The following HNRNPF variants were observed in gnomAD, a reference collection of about 807,000 sequenced individuals.
The protein encoded by HNRNPF is heterogeneous nuclear ribonucleoprotein F, also known as HnRNP F protein.
A neutral mutation model predicts 26.0 loss-of-function variants in HNRNPF; 2 were observed. The observed-to-expected ratio is 0.08, with a 90% CI of 0.03 to 0.24. The LOEUF is 0.24. HNRNPF is among the 10% of genes least tolerant of loss of function. The pLI is 1.00. For missense variants in HNRNPF, 299 were observed against 539.2 expected (o/e 0.55, Z 4.41); for synonymous variants, 234 against 211.5 (o/e 1.11, Z -0.92).
chr10:43,403,561 C>A (rs1032708559), intron 1 of HNRNPF, among the ~76,000 whole-genome samples: 2 of 152,138 alleles, frequency 1.3e-5, no homozygotes, highest in African/African-American at 2.4e-5. Flanking sequence ...GATATTATGA[C>A]CAAGTTGGAT....
At chr10:43,397,035 C>A (rs1420707387) in intron 1 of HNRNPF, 1 of 151,638 alleles carries the variant, frequency 6.6e-6, no homozygotes, top group Non-Finnish European at 1.5e-5. Flanking sequence ...AGCTCGGGGA[C>A]CCGCGGGCCG....
chr10:43,399,147 G>A (rs1296218292), intron 1 of HNRNPF, among the ~76,000 whole-genome samples: 2 of 152,070 alleles, frequency 1.3e-5, no homozygotes, highest in Non-Finnish European at 1.5e-5. Context: ...GAATCTGTGT[G>A]ACAGGCACAT....
intron 3 of HNRNPF, among the ~76,000 whole-genome samples, chr10:43,393,596 C>CA (rs60717059): frequency 0.12 from 16,439 of 140,850 alleles, 2,490 homozygotes; most frequent in African/African-American, 0.36. Context: ...AACTCCATCT[C>CA]AAAAAAAAAA....
At chr10:43,393,952 G>A (rs1838357731) in intron 3 of HNRNPF, among the ~76,000 whole-genome samples, 1 of 152,200 alleles carries the variant, frequency 6.6e-6, no homozygotes. Context: ...TAAGGTCTAA[G>A]CTCAAATACA....
chr10:43,398,535 G>GT lies in HNRNPF; in HGVS notation c.-246-1946dup, dbSNP rs1838646204. Among the ~76,000 whole-genome samples, 5 of 151,532 alleles carry GT rather than the reference G, an allele frequency of 3.3e-5. No individual in the cohort carries two copies. The South Asian group carries it at 1.0e-3, about 32-fold the overall frequency. On this transcript the variant is annotated intron_variant, in intron 1 of 3. Coordinates refer to ENST00000682386, the MANE Select transcript of HNRNPF (RefSeq NM_001098204.2). ...TTTTTGTATTTTTAGTAGAGACAGG[G>GT]TTTCACCATGTTGGTCAGGCTGGTC... is the stretch of plus-strand genomic sequence containing the variant.
chr10:43,399,901 C>T (rs368119400), intron 1 of HNRNPF, among the ~76,000 whole-genome samples: 42 of 152,018 alleles, frequency 2.8e-4, no homozygotes, highest in East Asian at 9.6e-4. Flanking sequence ...TTAGAATGAA[C>T]GAAAAACAGA....
At chr10:43,404,233 G>T (rs1463322308) in intron 1 of HNRNPF, among the ~76,000 whole-genome samples, 1 of 150,006 alleles carries the variant, frequency 6.7e-6, no homozygotes, top group African/African-American at 2.5e-5. Flanking sequence ...CCCAGGAGGC[G>T]GAGGCTGCAG....
chr10:43,392,801 T>G (rs1402534767), intron 3 of HNRNPF, among the ~76,000 whole-genome samples: 2 of 152,154 alleles, frequency 1.3e-5, no homozygotes, highest in Admixed American at 6.6e-5. Flanking sequence ...GTCTCCATAA[T>G]CATCTCCAGG....
intron 1 of HNRNPF, among the ~76,000 whole-genome samples, chr10:43,406,254 G>C (rs1359987657): frequency 1.3e-5 from 2 of 152,128 alleles, no homozygotes; most frequent in African/African-American, 4.8e-5. Flanking sequence ...ACCCCCACCG[G>C]GCTCTCATTT....
At position 43,397,128 on chromosome 10, in the gene HNRNPF, TG is replaced by T. The variant is rs565327848; in HGVS notation, c.-246-539del. ...GCGACCGGGGCGGCGGAAAGGGACCTGGGGGGGGCGGCCGGGACTGGAGTGG... is the reference window on the plus strand; with the variant it reads ...GCGACCGGGGCGGCGGAAAGGGACCTGGGGGGGCGGCCGGGACTGGAGTGG... On this transcript the variant is annotated intron_variant, in intron 1 of 3. Transcript: ENST00000682386. 557 of 80,242 alleles carry T rather than the reference TG, an allele frequency of 6.9e-3. 4 individuals carry two copies. The highest frequency in any genetic ancestry group is 0.025 in the African/African-American group (521 of 20,544). The allele number at this position is 80,242 out of a possible 1,614,324, so 5.0% of individuals were successfully genotyped here.
chr10:43,390,945 T>C (rs983213127), intron 3 of HNRNPF, among the ~76,000 whole-genome samples: 14 of 152,072 alleles, frequency 9.2e-5, no homozygotes, highest in Non-Finnish European at 1.0e-4. Flanking sequence ...GACAACCGAA[T>C]GTCTCCAGAC....
At position 43,403,345 on chromosome 10, in the gene HNRNPF, A is replaced by G. The variant is rs890483727; in HGVS notation, c.-247+5786T>C. On this transcript the variant is annotated intron_variant, in intron 1 of 3. Coordinates refer to ENST00000682386, the MANE Select transcript of HNRNPF (RefSeq NM_001098204.2). The stretch of plus-strand genomic sequence containing the variant: ...TTCAAGAGATCTTTTTCCTAGCCCC[A>G]GCCCATATAGTTATCTGAACTTACA... Among the ~76,000 whole-genome samples, 36 of 152,188 alleles carry G rather than the reference A, an allele frequency of 2.4e-4. 1 individual carries two copies. The highest frequency in any genetic ancestry group is 4.4e-5 in the Non-Finnish European group (3 of 68,034).
At chr10:43,398,458 C>G (rs927710401) in intron 1 of HNRNPF, among the ~76,000 whole-genome samples, 14 of 151,804 alleles carry the variant, frequency 9.2e-5, no homozygotes, top group Middle Eastern at 3.4e-3. Context: ...CTCCTGGCCT[C>G]AACCTCCTGA....
intron 1 of HNRNPF, among the ~76,000 whole-genome samples, chr10:43,398,342 T>TTG (rs1321781566): frequency 8.0e-6 from 1 of 125,578 alleles, no homozygotes; most frequent in Non-Finnish European, 1.6e-5. Context: ...TTTGTTGTTG[T>TTG]TGTTTTTTTT....
intron 3 of HNRNPF, among the ~76,000 whole-genome samples, chr10:43,393,387 G>C (rs895434206): frequency 7.2e-5 from 11 of 152,140 alleles, no homozygotes; most frequent in Non-Finnish European, 1.2e-4. Flanking sequence ...CCTGAAGTCA[G>C]GAGTTCAAGA....
intron 1 of HNRNPF, among the ~76,000 whole-genome samples, chr10:43,403,374 C>T (rs916005651): frequency 3.3e-5 from 5 of 152,136 alleles, no homozygotes; most frequent in Non-Finnish European, 5.9e-5. Flanking sequence ...ACTTACAAAG[C>T]GTTGATGTTC....
intron 1 of HNRNPF, among the ~76,000 whole-genome samples, chr10:43,402,708 ACAT>A (rs374865691): frequency 7.9e-4 from 121 of 152,342 alleles, no homozygotes; most frequent in African/African-American, 2.8e-3. Context: ...TTTGTCATAA[ACAT>A]CATAATTCTA....
In HNRNPF at chr10:43,386,976, G is replaced by A. The variant is rs993397756; in HGVS notation, c.909C>T (p.Asn303=). 1.5e-5 allele frequency: 25 copies of A among 1,614,004 alleles called. No individual in the cohort carries two copies. The highest frequency in any genetic ancestry group is 6.7e-5 in the East Asian group (3 of 44,894). The change falls in exon 4 of 4, where the codon AAC becomes AAT. Residue 303 remains asparagine, a synonymous_variant. Transcript: ENST00000682386. ...MRGLPYKATE[N]DIYNFFSPLN... ...GAGGAGAGAAGAAGTTGTAAATGTC[G>A]TTCTCGGTCGCTTTGTACGGCAGGC...
At chr10:43,396,749 C>A (rs1838539292) in intron 1 of HNRNPF, 159 bp from the exon 2 acceptor site, 2 of 152,040 alleles carry the variant, frequency 1.3e-5, no homozygotes, top group Admixed American at 6.6e-5. Context: ...AGCCTCGGAC[C>A]GCCCGGCCCG....
Sources: allele counts gnomAD v4.1 joint callset (sites outside exome capture counted in the v4.1 genomes callset), GRCh38; gene constraint gnomAD v4.1.1; transcripts MANE v1.5; gene names NCBI Gene and HGNC (gene_info 2026-07-23, HGNC 2026-07-21).